Variants in COL19A1 observed in about 807,000 individuals in gnomAD.
COL19A1 encodes collagen alpha-1(XIX) chain.
Under a neutral mutation model 190.2 loss-of-function variants are expected in COL19A1, and 159 were observed. The observed-to-expected ratio is 0.84, with a 90% CI of 0.73 to 0.95. The LOEUF (loss-of-function observed/expected upper bound fraction) is 0.95, where lower values mean the gene tolerates loss of function less well. Ranked by LOEUF, COL19A1 falls within the 40% of genes least tolerant of loss-of-function variation. The pLI is 0.00. For synonymous variants in COL19A1, 509 were observed against 458.9 expected, an observed-to-expected ratio of 1.11 and a Z score of -1.39; for missense variants, 1,418 against 1,431.9, an observed-to-expected ratio of 0.99 and a Z score of 0.16.
chr6:70,018,290 G>T (rs9364071), intron 11 of COL19A1, among the ~76,000 whole-genome samples: 16,041 of 152,012 alleles, frequency 0.11, 979 homozygotes, highest in East Asian at 0.29. Context: ...CTTTTTTCTT[G>T]GTAGAAAGCA....
chr6:70,035,042 G>A (rs1446467323), intron 13 of COL19A1, among the ~76,000 whole-genome samples: 2 of 152,192 alleles, frequency 1.3e-5, no homozygotes, highest in Non-Finnish European at 2.9e-5. Flanking sequence ...ACAATGCTAA[G>A]TTTTAACTTC....
intron 11 of COL19A1, among the ~76,000 whole-genome samples, chr6:69,991,421 G>A (rs781057850): frequency 6.6e-6 from 1 of 152,040 alleles, no homozygotes; most frequent in Non-Finnish European, 1.5e-5. Context: ...TAATGAGATT[G>A]CTGGGTCTAA....
intron 37 of COL19A1, among the ~76,000 whole-genome samples, chr6:70,167,712 A>G (rs1765246822): frequency 1.3e-5 from 2 of 152,228 alleles, no homozygotes; most frequent in Non-Finnish European, 2.9e-5. Context: ...ACTGAATTTT[A>G]ATGAGCAAAT....
chr6:69,994,652 G>A (rs888298853), intron 11 of COL19A1, among the ~76,000 whole-genome samples: 18 of 152,246 alleles, frequency 1.2e-4, no homozygotes, highest in African/African-American at 4.1e-4. Context: ...ATTGTCACAT[G>A]AGTACACAGA....
chr6:70,068,003 C>T lies in COL19A1; in HGVS notation c.1171-420C>T, dbSNP rs564862698. Among the ~76,000 whole-genome samples the T allele has an allele frequency of 2.9e-3, 442 of 152,174 alleles. 4 individuals are homozygous for T. In the South Asian group the frequency reaches 0.033, roughly 11 times the overall value. ...GCATGTTTGAAGCCAACACCATAAT[C>T]ATGCATTTCCTTAGAATATACTTTA... On this transcript the variant is annotated intron_variant, in intron 14 of 50. Transcript: ENST00000620364.
chr6:70,137,575 T>C, intron 18 of COL19A1, 110 bp from the exon 19 acceptor site: 1 of 970,366 alleles, frequency 1.0e-6, no homozygotes. Flanking sequence ...TGGATGCTAA[T>C]AGATAAATTG....
chr6:70,176,788 C>T (rs1311235173), intron 42 of COL19A1, among the ~76,000 whole-genome samples: 1 of 152,090 alleles, frequency 6.6e-6, no homozygotes, highest in Non-Finnish European at 1.5e-5. Flanking sequence ...TATTTTCTTC[C>T]CAAGTCACTT....
intron 14 of COL19A1, among the ~76,000 whole-genome samples, chr6:70,063,516 A>G (rs896658023): frequency 6.6e-5 from 10 of 152,220 alleles, no homozygotes; most frequent in African/African-American, 1.9e-4. Flanking sequence ...CTAAATGCCC[A>G]CAAGAGAAAG....
intron 4 of COL19A1, among the ~76,000 whole-genome samples, chr6:69,920,401 C>A (rs1231051556): frequency 6.6e-6 from 1 of 152,138 alleles, no homozygotes; most frequent in East Asian, 1.9e-4. Context: ...ATGCAAGCTA[C>A]ATTTTATATT....
At chr6:70,079,437 G>A (rs972444795) in intron 15 of COL19A1, among the ~76,000 whole-genome samples, 4 of 152,192 alleles carry the variant, frequency 2.6e-5, no homozygotes, top group African/African-American at 7.2e-5. Context: ...ACAATGGGGT[G>A]AGGGGGCAGT....
chr6:70,140,123 G>GTATA (rs1786146055), intron 19 of COL19A1, among the ~76,000 whole-genome samples: 1 of 151,938 alleles, frequency 6.6e-6, no homozygotes, highest in Non-Finnish European at 1.5e-5. Context: ...GTAGATATGG[G>GTATA]TATATAGTTG....
At chr6:70,087,667 C>T (rs1280337160) in intron 15 of COL19A1, among the ~76,000 whole-genome samples, 1 of 152,144 alleles carries the variant, frequency 6.6e-6, no homozygotes, top group African/African-American at 2.4e-5. Context: ...GATACTGACT[C>T]CTTAGGTCAA....
intron 1 of COL19A1, among the ~76,000 whole-genome samples, chr6:69,874,322 G>T (rs1768007256): frequency 6.6e-6 from 1 of 152,192 alleles, no homozygotes; most frequent in Non-Finnish European, 1.5e-5. Context: ...TGAACAATTT[G>T]TTTTTAAAAC....
At chr6:70,193,849 A>C (rs546862010) in intron 48 of COL19A1, among the ~76,000 whole-genome samples, 1 of 152,334 alleles carries the variant, frequency 6.6e-6, no homozygotes, top group Admixed American at 6.5e-5. Flanking sequence ...CACTTTTTCC[A>C]TGGCTTCTGA....
rs1582264048 is a variant in COL19A1, at chr6:69,879,925, C to T, written c.91+267C>T. Reference sequence around the variant, plus strand: ...AGTATACATACATGCATGTGTGCCTCTGTGTGTATATATGACATTATGTAT... The same window carrying T: ...AGTATACATACATGCATGTGTGCCTTTGTGTGTATATATGACATTATGTAT... On this transcript the variant is annotated intron_variant, in intron 2 of 50. Coordinates refer to ENST00000620364, the MANE Select transcript of COL19A1 (RefSeq NM_001858.6). 14 of 473,352 alleles carry T rather than the reference C, an allele frequency of 3.0e-5. No individual in the cohort carries two copies. The East Asian group carries it at 4.1e-4, about 14-fold the overall frequency. 29.3% of individuals were successfully genotyped at this position (473,352 alleles called of 1,614,324 possible).
chr6:70,184,442 T>C (rs1766378155), intron 44 of COL19A1, among the ~76,000 whole-genome samples: 4 of 152,330 alleles, frequency 2.6e-5, no homozygotes, highest in Admixed American at 2.6e-4. Flanking sequence ...AGGTTATTTA[T>C]TTTCCTCACT....
chr6:70,095,988 T>C (rs191393820), intron 15 of COL19A1, among the ~76,000 whole-genome samples: 1 of 152,316 alleles, frequency 6.6e-6, no homozygotes, highest in East Asian at 1.9e-4. Context: ...ATAATACTGC[T>C]ATGAACATGG....
At chr6:70,063,242 C>T (rs1780957314) in intron 14 of COL19A1, among the ~76,000 whole-genome samples, 1 of 152,114 alleles carries the variant, frequency 6.6e-6, no homozygotes, top group South Asian at 2.1e-4. Flanking sequence ...TAAAGCACTC[C>T]TCAGCAAATG....
intron 50 of COL19A1, 24 bp from the exon 51 acceptor site, chr6:70,207,123 G>A (rs1201946745): frequency 6.3e-7 from 1 of 1,583,158 alleles, no homozygotes; most frequent in South Asian, 1.1e-5. Context: ...GATCTGCATT[G>A]TAATTTTTTT....
Sources: gnomAD v4.1 joint callset for allele counts (sites outside exome capture counted in the v4.1 genomes callset) on GRCh38, gnomAD v4.1.1 for gene constraint, MANE v1.5 for transcripts, NCBI Gene and HGNC (gene_info 2026-07-23, HGNC 2026-07-21) for gene names.